Variants in ITSN2 observed in about 807,000 individuals in gnomAD.
ITSN2 encodes the protein intersectin-2.
A neutral mutation model predicts 243.7 loss-of-function variants in ITSN2; 156 were observed. The ratio of observed to expected loss-of-function variants is 0.64; its 90% CI spans 0.56 to 0.73. The LOEUF (loss-of-function observed/expected upper bound fraction) is 0.73. Among genes scored for constraint, ITSN2 ranks in the 30% least tolerant of loss-of-function variants. ITSN2 has a pLI of 0.00. For missense variants in ITSN2, 1,801 were observed against 1,996.1 expected (o/e 0.90, Z 1.86); for synonymous variants, 703 against 699.9 (o/e 1.00, Z -0.07).
At chr2:24,275,959 T>A in intron 17 of ITSN2, 110 bp from the exon 18 acceptor site, 1 of 786,442 alleles carries the variant, frequency 1.3e-6, no homozygotes, top group Non-Finnish European at 1.9e-6. Context: ...CAAGTTGAAC[T>A]AAATTTAAAA....
intron 1 of ITSN2, among the ~76,000 whole-genome samples, chr2:24,359,985 C>G (rs1021977078): frequency 3.9e-5 from 6 of 152,322 alleles, no homozygotes; most frequent in Admixed American, 1.3e-4. Context: ...CGACCCTCGC[C>G]GGCGTCCGCC....
At chr2:24,334,216 G>A (rs1246180730) in intron 1 of ITSN2, among the ~76,000 whole-genome samples, 1 of 152,062 alleles carries the variant, frequency 6.6e-6, no homozygotes, top group Non-Finnish European at 1.5e-5. Context: ...CCAGCACCGC[G>A]CCCAGCTAAT....
In ITSN2 at chr2:24,210,731, C is replaced by T. The variant is rs546191441; in HGVS notation, c.4257+49G>A. On this transcript the variant is annotated intron_variant, in intron 34 of 39. Transcript: ENST00000355123. ...TGAGGGAAGGCTCGGAGCTGGTTCCCCACCCAGAGCCTCCCTGGAGGCGCA... is the reference window on the plus strand; with the variant it reads ...TGAGGGAAGGCTCGGAGCTGGTTCCTCACCCAGAGCCTCCCTGGAGGCGCA... 1.8e-4 allele frequency: 284 copies of T among 1,577,978 alleles called. 1 individual carries two copies. The South Asian group carries it at 3.2e-3, about 18-fold the overall frequency.
At chr2:24,257,668 G>A (rs960655491) in intron 23 of ITSN2, among the ~76,000 whole-genome samples, 2 of 151,920 alleles carry the variant, frequency 1.3e-5, no homozygotes, top group Non-Finnish European at 2.9e-5. Context: ...CGTCACCCAG[G>A]CTGGTCTCAA....
At chr2:24,333,771 G>GA (rs1686039227) in intron 1 of ITSN2, among the ~76,000 whole-genome samples, 1 of 152,084 alleles carries the variant, frequency 6.6e-6, no homozygotes, top group South Asian at 2.1e-4. Flanking sequence ...CACTAAGACA[G>GA]AAAAAAGTAG....
rs182396698 is a variant in ITSN2 at position 24,297,350 on chromosome 2, G to T, written c.1494+1315C>A. On this transcript the variant is annotated intron_variant, in intron 13 of 39. Coordinates refer to ENST00000355123, the MANE Select transcript of ITSN2 (RefSeq NM_006277.3). ...CTCATGGGATTCTAGGGTTGTGGCA[G>T]AATAGTGCCAGATCTTTTATACCTT... Among the ~76,000 whole-genome samples, 6 of 152,276 alleles carry T rather than the reference G, an allele frequency of 3.9e-5. No individual in the cohort carries two copies. The East Asian group carries it at 1.2e-3, about 29-fold the overall frequency.
intron 1 of ITSN2, among the ~76,000 whole-genome samples, chr2:24,358,811 C>A (rs1328120291): frequency 6.6e-6 from 1 of 152,148 alleles, no homozygotes; most frequent in Non-Finnish European, 1.5e-5. Context: ...CAGGAGAGAT[C>A]AAGATTTTAG....
Position 24,204,316 on chromosome 2 carries a change from A to C in ITSN2, c.4865T>G (p.Phe1622Cys), listed in dbSNP as rs1668618390. Reference sequence around the variant, plus strand: ...GTCTTGGTAGAGATCCTTAATAAAGAACTGGCAGTTAAAATTCCACTTGGG... The same window carrying C: ...GTCTTGGTAGAGATCCTTAATAAAGCACTGGCAGTTAAAATTCCACTTGGG... ...LNPKWNFNCQ[F>C]FIKDLYQDVL... Residue 1622 changes from phenylalanine to cysteine, a missense_variant, in exon 39 of 40, where the codon TTC (phenylalanine) becomes TGC (cysteine). By Grantham distance (205) the Phe-to-Cys change is radical. This residue lies in a region of ITSN2 where 928 missense variants were observed against 1,065.4 expected (regional missense o/e 0.87). Coordinates refer to ENST00000355123, the MANE Select transcript of ITSN2 (RefSeq NM_006277.3). This position sits in a 1 kb window ranked among gnomAD's most constrained non-coding sequence, Gnocchi z 5.1. The C allele has an allele frequency of 6.2e-7, 1 of 1,614,068 alleles. No homozygotes were observed. Among genetic ancestry groups the C allele is most frequent in the Non-Finnish European group, 8.5e-7 (1 of 1,180,020 alleles).
In ITSN2 at chr2:24,252,306, C is replaced by G. The variant is rs993733293; in HGVS notation, c.3120+39G>C. ...ATACCAAAATAATTTAAGTATAAAC[C>G]TGATTAACCAGAATGGGTTGATTTT... On this transcript the variant is annotated intron_variant, in intron 25 of 39. Coordinates refer to ENST00000355123, the MANE Select transcript of ITSN2 (RefSeq NM_006277.3). 9.2e-6 allele frequency: 13 copies of G among 1,407,612 alleles called. 1 individual carries two copies. The highest frequency in any genetic ancestry group is 1.8e-4 in the Middle Eastern group (1 of 5,548). The allele number at this position is 1,407,612 out of a possible 1,614,324, so 87.2% of individuals were successfully genotyped here.
intron 1 of ITSN2, among the ~76,000 whole-genome samples, chr2:24,344,831 A>C (rs532947670): frequency 9.1e-4 from 138 of 152,318 alleles, no homozygotes; most frequent in African/African-American, 3.3e-3. Context: ...GGGCACCTGT[A>C]ATCTCAGCTA....
chr2:24,299,026 CTTTTTT>C (rs1181200021), intron 12 of ITSN2, among the ~76,000 whole-genome samples: 1 of 124,302 alleles, frequency 8.0e-6, no homozygotes, highest in Admixed American at 8.1e-5. Context: ...TTCACGAGAT[CTTTTTT>C]TTTTTTTTTT....
chr2:24,212,082 T>G (rs529113230), intron 33 of ITSN2, among the ~76,000 whole-genome samples: 29 of 152,340 alleles, frequency 1.9e-4, no homozygotes, highest in African/African-American at 6.5e-4. Context: ...GCCTTTTCCT[T>G]AGAAGGCTTA....
intron 37 of ITSN2, among the ~76,000 whole-genome samples, chr2:24,206,638 TGAACA>T (rs1668917889): frequency 6.6e-6 from 1 of 152,042 alleles, no homozygotes. Context: ...ATCTGTGCCA[TGAACA>T]CAGAGGACAT....
chr2:24,248,313 G>C (rs1248512999), intron 27 of ITSN2, among the ~76,000 whole-genome samples: 1 of 152,054 alleles, frequency 6.6e-6, no homozygotes, highest in Non-Finnish European at 1.5e-5. Context: ...TGCAAGCCTG[G>C]GACTATCCCA....
intron 1 of ITSN2, among the ~76,000 whole-genome samples, chr2:24,352,549 C>A (rs1359271866): frequency 6.6e-6 from 1 of 152,142 alleles, no homozygotes; most frequent in African/African-American, 2.4e-5. Flanking sequence ...GATAACTTCT[C>A]TATACAAACT....
chr2:24,314,646 A>G (rs1255000556), intron 3 of ITSN2, among the ~76,000 whole-genome samples: 1 of 152,234 alleles, frequency 6.6e-6, no homozygotes, highest in Non-Finnish European at 1.5e-5. Context: ...CACAGAAAAA[A>G]GTTTAATTAA....
intron 1 of ITSN2, among the ~76,000 whole-genome samples, chr2:24,331,600 A>G (rs532597314): frequency 6.6e-6 from 1 of 152,198 alleles, no homozygotes; most frequent in East Asian, 1.9e-4. Flanking sequence ...GGTATGGAAA[A>G]CAAATTTGTT....
At chr2:24,234,305 A>C (rs1671907530) in intron 29 of ITSN2, among the ~76,000 whole-genome samples, 1 of 152,210 alleles carries the variant, frequency 6.6e-6, no homozygotes, top group Non-Finnish European at 1.5e-5. Flanking sequence ...TTGTCTTTAA[A>C]ATGAAATATA....
chr2:24,316,059 G>A (rs1683886071), intron 2 of ITSN2, among the ~76,000 whole-genome samples: 1 of 152,184 alleles, frequency 6.6e-6, no homozygotes, highest in Non-Finnish European at 1.5e-5. Flanking sequence ...ACGTGAAGAG[G>A]AGGGATAAGA....
Sources: gnomAD v4.1 joint callset for allele counts (sites outside exome capture counted in the v4.1 genomes callset) on GRCh38, gnomAD v4.1.1 for gene constraint, gnomAD v4.1.1 regional missense constraint, Gnocchi (gnomAD v3.1) non-coding constraint, MANE v1.5 for transcripts, NCBI Gene and HGNC (gene_info 2026-07-23, HGNC 2026-07-21) for gene names.